The following ZFHX3 variants were observed in gnomAD, a reference collection of about 807,000 sequenced individuals.
ZFHX3 encodes the protein zinc finger homeobox 3, also known as zinc finger homeobox protein 3.
ZFHX3 carries 42 observed loss-of-function variants against 279.1 expected under a neutral mutation model. The ratio of observed to expected loss-of-function variants is 0.15; its 90% CI spans 0.12 to 0.19. ZFHX3 has a LOEUF of 0.19. ZFHX3 is among the 10% of genes least tolerant of loss of function. The pLI is 1.00. For missense variants in ZFHX3, 4,981 were observed against 4,754.0 expected, an observed-to-expected ratio of 1.05 and a Z score of -1.40; for synonymous variants, 2,293 against 1,957.8, an observed-to-expected ratio of 1.17 and a Z score of -4.52.
chr16:73,696,362 G>A (rs1182514413), intron 1 of ZFHX3, among the ~76,000 whole-genome samples: 3 of 152,194 alleles, frequency 2.0e-5, no homozygotes, highest in African/African-American at 7.2e-5. Context: ...GTAGTAAAGA[G>A]GTGGATATAA....
intron 4 of ZFHX3, among the ~76,000 whole-genome samples, chr16:72,884,705 G>A (rs533691615): frequency 1.3e-5 from 2 of 152,344 alleles, no homozygotes; most frequent in Admixed American, 6.5e-5. Context: ...GCACTTGATA[G>A]AATGAAGTTA....
intron 8 of ZFHX3, among the ~76,000 whole-genome samples, chr16:73,073,611 G>A (rs1965850345): frequency 6.6e-6 from 1 of 152,150 alleles, no homozygotes; most frequent in Non-Finnish European, 1.5e-5. Context: ...TGATTCTCCT[G>A]CCTCAGCTTC....
intron 1 of ZFHX3, among the ~76,000 whole-genome samples, chr16:73,772,055 T>C (rs1316352612): frequency 6.6e-6 from 1 of 152,170 alleles, no homozygotes; most frequent in African/African-American, 2.4e-5. Context: ...ACTGTGGGGA[T>C]GTGAGCCACA....
At chr16:73,784,994 C>T (rs962138030) in intron 1 of ZFHX3, among the ~76,000 whole-genome samples, 1 of 151,880 alleles carries the variant, frequency 6.6e-6, no homozygotes, top group African/African-American at 2.4e-5. Context: ...ATGTTTCTAA[C>T]TAATCTGTGT....
intron 7 of ZFHX3, among the ~76,000 whole-genome samples, chr16:73,124,509 C>T (rs1306797543): frequency 1.3e-5 from 2 of 152,152 alleles, no homozygotes; most frequent in Non-Finnish European, 2.9e-5. Flanking sequence ...ATTCAGAGTG[C>T]GGGCTTTGGA....
At chr16:73,277,724 G>A (rs1404362953) in intron 4 of ZFHX3, among the ~76,000 whole-genome samples, 5 of 152,122 alleles carry the variant, frequency 3.3e-5, no homozygotes, top group Non-Finnish European at 5.9e-5. Flanking sequence ...GTCCATTCTC[G>A]CATTGCTATA....
chr16:72,935,288 C>T (rs1960057796), intron 3 of ZFHX3, among the ~76,000 whole-genome samples: 2 of 152,106 alleles, frequency 1.3e-5, no homozygotes, highest in South Asian at 4.1e-4. Context: ...ATGTGGTTCT[C>T]AGGGCGGGGG....
chr16:73,628,469 A>G (rs1373107683), intron 2 of ZFHX3, among the ~76,000 whole-genome samples: 1 of 152,234 alleles, frequency 6.6e-6, no homozygotes, highest in Admixed American at 6.5e-5. Context: ...AGAAAACAAG[A>G]GTCCAGCAGG....
Position 73,788,749 on chromosome 16 carries a change from T to C in ZFHX3, c.-1608+102902A>G, listed in dbSNP as rs570824525. The stretch of plus-strand genomic sequence containing the variant: ...ATCTATATATAGATATATCTATATA[T>C]AGATCATGAGGTCAGGAAATAGAGA... On this transcript the variant is annotated intron_variant, in intron 1 of 17. Coordinates refer to the ZFHX3 transcript ENST00000641206. 2.0e-5 allele frequency among the ~76,000 whole-genome samples: 3 copies of C among 151,304 alleles called. No homozygotes were observed. The South Asian group carries it at 6.2e-4, about 31-fold the overall frequency.
At chr16:73,507,920 C>T (rs577222478) in intron 2 of ZFHX3, among the ~76,000 whole-genome samples, 1 of 152,078 alleles carries the variant, frequency 6.6e-6, no homozygotes, top group African/African-American at 2.4e-5. Flanking sequence ...AGATTAGAAT[C>T]GATTAGTACC....
chr16:73,008,104 T>TA (rs1963780420), intron 1 of ZFHX3, among the ~76,000 whole-genome samples: 1 of 152,216 alleles, frequency 6.6e-6, no homozygotes, highest in South Asian at 2.1e-4. Flanking sequence ...ACTTTTATCT[T>TA]ACAATTCTTT....
intron 1 of ZFHX3, among the ~76,000 whole-genome samples, chr16:73,778,221 CT>C (rs1959324670): frequency 1.8e-5 from 2 of 113,960 alleles, no homozygotes; most frequent in South Asian, 2.9e-4. Flanking sequence ...ACTACCTTTA[CT>C]GTTGAAGGAG....
intron 2 of ZFHX3, among the ~76,000 whole-genome samples, chr16:73,535,791 C>A (rs377245876): frequency 2.4e-4 from 35 of 146,618 alleles, no homozygotes; most frequent in African/African-American, 8.4e-4. Context: ...GGTGTGATCT[C>A]GGCTCACTGC....
intron 1 of ZFHX3, among the ~76,000 whole-genome samples, chr16:73,770,873 G>C (rs544329056): frequency 9.3e-4 from 141 of 152,274 alleles, no homozygotes; most frequent in Non-Finnish European, 1.3e-3. Flanking sequence ...CATTTCTATA[G>C]AGCACAATAA....
intron 2 of ZFHX3, among the ~76,000 whole-genome samples, chr16:73,482,188 G>A (rs1259484528): frequency 6.6e-6 from 1 of 152,138 alleles, no homozygotes; most frequent in East Asian, 1.9e-4. Context: ...GGGTGGCCTT[G>A]GGAGCTGATA....
intron 1 of ZFHX3, among the ~76,000 whole-genome samples, chr16:73,832,690 G>C (rs765071566): frequency 3.3e-5 from 5 of 152,058 alleles, no homozygotes; most frequent in African/African-American, 4.8e-5. Context: ...TGGGATTACA[G>C]GCATGAGCCA....
rs759597494 is a variant in ZFHX3, at chr16:72,798,032, G to A, written c.4650C>T (p.Cys1550=). The A allele has an allele frequency of 6.2e-7, 1 of 1,614,208 alleles. No individual in the cohort carries two copies. The highest frequency in any genetic ancestry group is 8.5e-7 in the Non-Finnish European group (1 of 1,180,036). ...DPSRPYKCTV[C]KESFTQKNIL... is the part of the protein sequence containing the mutation. ...TATTCTTTTGAGTGAAAGATTCCTT[G>A]CAGACGGTACACTTGTAAGGGCGAG... is the stretch of plus-strand genomic sequence containing the variant. Residue 1550 remains cysteine, a synonymous_variant, in exon 9 of 10, where the codon TGC becomes TGT. Transcript: ENST00000268489.
chr16:73,219,235 C>T (rs557629188), intron 5 of ZFHX3, among the ~76,000 whole-genome samples: 1 of 152,236 alleles, frequency 6.6e-6, no homozygotes, highest in East Asian at 1.9e-4. Context: ...TTTGCTTCTC[C>T]TTATGGCAAC....
chr16:73,730,584 T>A (rs2053562078), intron 1 of ZFHX3, among the ~76,000 whole-genome samples: 1 of 152,114 alleles, frequency 6.6e-6, no homozygotes, highest in African/African-American at 2.4e-5. Flanking sequence ...TTCCCGTCTA[T>A]CTTGGAGAGT....
Sources: allele counts gnomAD v4.1 joint callset (sites outside exome capture counted in the v4.1 genomes callset), GRCh38; gene constraint gnomAD v4.1.1; transcripts MANE v1.5; gene names NCBI Gene and HGNC (gene_info 2026-07-23, HGNC 2026-07-21).